The following ELP4 variants were observed in gnomAD, a reference collection of about 807,000 sequenced individuals.
ELP4 encodes the protein elongator complex protein 4.
In ELP4, 51 loss-of-function variants were observed where a neutral mutation model predicts 48.9. The observed-to-expected ratio is 1.04, with a 90% confidence interval of 0.83 to 1.32. ELP4 has a LOEUF of 1.32. Ranked by LOEUF, ELP4 falls within the 40% of genes most tolerant of loss-of-function variation. The pLI is 0.00. For synonymous variants in ELP4, 210 were observed against 189.2 expected (o/e 1.11, Z -0.90); for missense variants, 519 against 514.6 (o/e 1.01, Z -0.08).
intron 5 of ELP4, among the ~76,000 whole-genome samples, chr11:31,613,440 A>T (rs1168945682): frequency 6.6e-6 from 1 of 152,174 alleles, no homozygotes; most frequent in East Asian, 1.9e-4. Flanking sequence ...AATGCCAAAC[A>T]TTATTGAAAT....
At chr11:31,754,029 C>T (rs958299181) in intron 9 of ELP4, among the ~76,000 whole-genome samples, 6 of 152,088 alleles carry the variant, frequency 3.9e-5, no homozygotes, top group Non-Finnish European at 7.4e-5. Context: ...ATGTTATTTT[C>T]TGAGTTTTCT....
At chr11:31,564,539 C>G (rs1344534896) in intron 3 of ELP4, among the ~76,000 whole-genome samples, 2 of 152,050 alleles carry the variant, frequency 1.3e-5, no homozygotes, top group Non-Finnish European at 2.9e-5. Flanking sequence ...TCCTGCTACC[C>G]CAGGACAAGC....
intron 3 of ELP4, among the ~76,000 whole-genome samples, chr11:31,572,739 C>T (rs776864883): frequency 1.3e-5 from 2 of 152,128 alleles, no homozygotes; most frequent in Non-Finnish European, 2.9e-5. Context: ...GTGGCTCATA[C>T]CTGTAGTCTC....
intron 3 of ELP4, among the ~76,000 whole-genome samples, chr11:31,546,794 C>A (rs1042985206): frequency 1.1e-4 from 16 of 151,996 alleles, no homozygotes; most frequent in Non-Finnish European, 2.2e-4. Context: ...TCTCTCAGAC[C>A]ACAGTGCAAT....
intron 3 of ELP4, among the ~76,000 whole-genome samples, chr11:31,563,016 T>C (rs1957046748): frequency 6.6e-6 from 1 of 152,120 alleles, no homozygotes. Flanking sequence ...TTTTTTTCTG[T>C]TTTCCAACTT....
intron 9 of ELP4, chr11:31,780,012 C>T (rs557030724): frequency 2.0e-5 from 3 of 152,162 alleles, no homozygotes; most frequent in South Asian, 4.2e-4. Flanking sequence ...AATATGAATA[C>T]CTTGATTTGG....
At chr11:31,540,350 A>C (rs187787894) in intron 3 of ELP4, among the ~76,000 whole-genome samples, 5 of 152,356 alleles carry the variant, frequency 3.3e-5, no homozygotes, top group Admixed American at 1.3e-4. Flanking sequence ...TAAAAACAAA[A>C]GGGACATCTA....
At chr11:31,652,222 T>C (rs1006834149) in intron 9 of ELP4, 1 of 151,266 alleles carries the variant, frequency 6.6e-6, no homozygotes, top group Non-Finnish European at 1.5e-5. Flanking sequence ...GTTTTTTGAG[T>C]TTTTTTGTTA....
intron 9 of ELP4, among the ~76,000 whole-genome samples, chr11:31,702,646 G>T (rs1819445533): frequency 6.6e-6 from 1 of 151,956 alleles, no homozygotes; most frequent in Non-Finnish European, 1.5e-5. Flanking sequence ...ATAGACATTA[G>T]TTAGCATTTA....
At chr11:31,659,643 G>A (rs191677628) in intron 9 of ELP4, among the ~76,000 whole-genome samples, 3 of 152,004 alleles carry the variant, frequency 2.0e-5, no homozygotes, top group Admixed American at 1.3e-4. Context: ...AAACTTGAAC[G>A]TATATAGTCA....
intron 9 of ELP4, chr11:31,653,548 A>G (rs73462965): frequency 2.6e-5 from 4 of 151,898 alleles, no homozygotes; most frequent in African/African-American, 9.6e-5. Flanking sequence ...TTACTAAGAT[A>G]TAATAATAGA....
At chr11:31,631,754 A>G (rs1258083087) in intron 6 of ELP4, among the ~76,000 whole-genome samples, 1 of 152,154 alleles carries the variant, frequency 6.6e-6, no homozygotes, top group Non-Finnish European at 1.5e-5. Context: ...AAAAAGTCAT[A>G]TATCTTTAAG....
intron 7 of ELP4, chr11:31,647,492 C>A: frequency 3.2e-6 from 1 of 312,082 alleles, no homozygotes; most frequent in Non-Finnish European, 5.9e-6. Flanking sequence ...AAATTTATGT[C>A]TTCTACCAAT....
chr11:31,685,485 A>G (rs1418310001), intron 9 of ELP4, among the ~76,000 whole-genome samples: 1 of 152,212 alleles, frequency 6.6e-6, no homozygotes, highest in African/African-American at 2.4e-5. Context: ...ATGGGTTTCA[A>G]TGCAATAGTG....
At chr11:31,530,793 A>G (rs760900086) in intron 2 of ELP4, among the ~76,000 whole-genome samples, 46 of 152,074 alleles carry the variant, frequency 3.0e-4, no homozygotes, top group Non-Finnish European at 5.1e-4. Context: ...ATTGTCACAT[A>G]CTTTCAGCTC....
At chr11:31,636,092 C>T (rs1388793918) in intron 7 of ELP4, among the ~76,000 whole-genome samples, 1 of 151,982 alleles carries the variant, frequency 6.6e-6, no homozygotes, top group Non-Finnish European at 1.5e-5. Flanking sequence ...AGCTTATACA[C>T]TTATTTAACA....
At chr11:31,743,396 C>T (rs1947503841) in intron 9 of ELP4, among the ~76,000 whole-genome samples, 1 of 152,108 alleles carries the variant, frequency 6.6e-6, no homozygotes, top group African/African-American at 2.4e-5. Context: ...ACCAAGTGGA[C>T]CTAATAGACA....
At chr11:31,689,800 T>C (rs1592225637) in intron 9 of ELP4, among the ~76,000 whole-genome samples, 1 of 152,302 alleles carries the variant, frequency 6.6e-6, no homozygotes, top group African/African-American at 2.4e-5. Flanking sequence ...GCTTCAGTTT[T>C]CTCACCTATT....
At position 31,519,829 on chromosome 11, in the gene ELP4, C is replaced by CA. The variant is rs1045221587; in HGVS notation, c.224-211dup. On this transcript the variant is annotated intron_variant, in intron 1 of 9. Transcript: ENST00000640961. Reference sequence around the variant, plus strand: ...TGATCAACAGAGCAAGACTCCATCTCAAAAAAAAAAAAAAAAGTAATTGTA... The same window carrying CA: ...TGATCAACAGAGCAAGACTCCATCTCAAAAAAAAAAAAAAAAAGTAATTGTA... Among the ~76,000 whole-genome samples, 375 of 75,820 alleles carry CA rather than the reference C, an allele frequency of 4.9e-3. 3 individuals are homozygous for CA. Among genetic ancestry groups the CA allele is most frequent in the Middle Eastern group, 0.029 (3 of 102 alleles). The allele number at this position is 75,820 out of a possible 152,430, so 49.7% of individuals were successfully genotyped here.
Sources: allele counts gnomAD v4.1 joint callset (sites outside exome capture counted in the v4.1 genomes callset), GRCh38; gene constraint gnomAD v4.1.1; transcripts MANE v1.5; gene names NCBI Gene and HGNC (gene_info 2026-07-23, HGNC 2026-07-21).